Variants in PDCD6 observed in about 807,000 individuals in gnomAD.
PDCD6 encodes programmed cell death protein 6.
A neutral mutation model predicts 28.3 loss-of-function variants in PDCD6; 12 were observed. The observed-to-expected ratio is 0.42, with a 90% CI of 0.27 to 0.69. The LOEUF is 0.69. Among genes scored for constraint, PDCD6 ranks in the 30% least tolerant of loss-of-function variants. The probability of loss-of-function intolerance (pLI) is 0.22; values close to 1 mark genes in which losing one functional copy is unlikely to be tolerated. For synonymous variants in PDCD6, 92 were observed against 108.0 expected, an observed-to-expected ratio of 0.85 and a Z score of 0.92; for missense variants, 226 against 269.9, an observed-to-expected ratio of 0.84 and a Z score of 1.14.
At chr5:274,815 C>T (rs563267924) in intron 2 of PDCD6, among the ~76,000 whole-genome samples, 2 of 152,178 alleles carry the variant, frequency 1.3e-5, no homozygotes, top group South Asian at 4.1e-4. Flanking sequence ...TCAGCTGGTC[C>T]TCAAAGTGTA....
intron 2 of PDCD6, among the ~76,000 whole-genome samples, chr5:301,303 C>G (rs1419483367): frequency 6.6e-6 from 1 of 152,182 alleles, no homozygotes; most frequent in Non-Finnish European, 1.5e-5. Flanking sequence ...CCCTTGTGTG[C>G]AGACACTAGG....
At chr5:301,418 T>C (rs1235350715) in intron 2 of PDCD6, among the ~76,000 whole-genome samples, 2 of 152,368 alleles carry the variant, frequency 1.3e-5, no homozygotes, top group African/African-American at 4.8e-5. Flanking sequence ...CTTGTGGGTT[T>C]TCTGTAGCCT....
intron 1 of PDCD6, among the ~76,000 whole-genome samples, chr5:272,271 T>TA (rs1737872305): frequency 7.7e-6 from 1 of 129,548 alleles, no homozygotes; most frequent in Non-Finnish European, 1.6e-5. Context: ...TGTTAAAATG[T>TA]CAGCAGCCAA....
chr5:306,723 C>G lies in PDCD6; in HGVS notation c.330C>G (p.Ile110Met), dbSNP rs191142207. ...RTYDRDNSGM[I>M]DKNELKQALS... is the part of the protein sequence containing the mutation. ...ACGACCGGGACAACTCCGGGATGAT[C>G]GATAAGAACGAGCTGAAGCAGGCCC... The change falls in exon 4 of 6, where the codon ATC becomes ATG. Residue 110 changes from isoleucine (I) to methionine (M), a missense_variant. Around this residue, in one of 3 missense-constraint regions of PDCD6, gnomAD observed 151 missense variants for 177.2 expected, o/e 0.85. Coordinates refer to ENST00000264933, the MANE Select transcript of PDCD6 (RefSeq NM_013232.4). 29 of 1,614,016 alleles carry G rather than the reference C, an allele frequency of 1.8e-5. No homozygotes were observed. The East Asian group carries it at 6.5e-4, about 36-fold the overall frequency.
chr5:286,546 G>A (rs923515274), intron 2 of PDCD6, among the ~76,000 whole-genome samples: 3 of 151,972 alleles, frequency 2.0e-5, no homozygotes, highest in Non-Finnish European at 4.4e-5. Context: ...TGAGAGCTGT[G>A]CAGCTGGAGA....
At chr5:292,185 T>C (rs1739353662) in intron 2 of PDCD6, among the ~76,000 whole-genome samples, 1 of 152,220 alleles carries the variant, frequency 6.6e-6, no homozygotes, top group African/African-American at 2.4e-5. Flanking sequence ...TTTCCTCTTC[T>C]GTGGAGGGCC....
chr5:298,147 G>A (rs1739737802), intron 2 of PDCD6, among the ~76,000 whole-genome samples: 1 of 152,144 alleles, frequency 6.6e-6, no homozygotes, highest in South Asian at 2.1e-4. Context: ...TGATTTCAGG[G>A]GTAATTCCCA....
At chr5:274,744 G>T (rs1738073703) in intron 2 of PDCD6, among the ~76,000 whole-genome samples, 1 of 152,190 alleles carries the variant, frequency 6.6e-6, no homozygotes, top group African/African-American at 2.4e-5. Context: ...GACACCTCCT[G>T]CTCTGACTTG....
chr5:282,281 G>T (rs1264381705), intron 2 of PDCD6, among the ~76,000 whole-genome samples: 6 of 127,092 alleles, frequency 4.7e-5, no homozygotes, highest in Non-Finnish European at 8.5e-5. Flanking sequence ...TCGGGGGGGG[G>T]GGAGCTGATG....
At chr5:280,010 G>A in intron 2 of PDCD6, among the ~76,000 whole-genome samples, 1 of 144,044 alleles carries the variant, frequency 6.9e-6, no homozygotes, top group Non-Finnish European at 1.5e-5. Flanking sequence ...GGTGGGCAGG[G>A]AGCGATATTT....
At chr5:288,684 A>G (rs183310977) in intron 2 of PDCD6, 3 of 409,414 alleles carry the variant, frequency 7.3e-6, no homozygotes, top group African/African-American at 2.1e-5. Context: ...TACGTGTACA[A>G]CTCTTCCAGG....
chr5:296,786 G>A (rs1206499264), intron 2 of PDCD6, among the ~76,000 whole-genome samples: 5 of 152,226 alleles, frequency 3.3e-5, no homozygotes, highest in South Asian at 4.1e-4. Flanking sequence ...GGGGGGGCCC[G>A]TCGAGGCCCC....
intron 2 of PDCD6, among the ~76,000 whole-genome samples, chr5:297,834 C>A (rs1739716495): frequency 6.6e-6 from 1 of 152,090 alleles, no homozygotes; most frequent in Admixed American, 6.5e-5. Flanking sequence ...AATTTGAAGT[C>A]CTTTAATACA....
chr5:274,464 C>T (rs3961022), intron 2 of PDCD6, among the ~76,000 whole-genome samples: 15 of 152,182 alleles, frequency 9.9e-5, no homozygotes, highest in South Asian at 4.1e-4. Context: ...TTTGTGTCCT[C>T]GCCGTTACTG....
intron 5 of PDCD6, 91 bp downstream of exon 5, chr5:311,493 G>A: frequency 1.2e-6 from 1 of 812,416 alleles, no homozygotes; most frequent in East Asian, 2.6e-5. Context: ...TAAGGAGCTG[G>A]GCATGTGTAG....
In PDCD6 at chr5:314,795, CAT is replaced by C. The variant is rs556262954; in HGVS notation, c.*281_*282del. On this transcript the variant is annotated 3_prime_UTR_variant, in exon 6 of 6. Coordinates refer to ENST00000264933, the MANE Select transcript of PDCD6 (RefSeq NM_013232.4). ...GCATTCTGCTTGCAAAAAAATCTAT[CAT>C]GTGCTTTTCTAGATGTCTCTGGTTC... The C allele has an allele frequency of 1.2e-3, 602 of 512,112 alleles. 1 individual carries two copies. Among genetic ancestry groups the C allele is most frequent in the African/African-American group, 1.5e-3 (80 of 52,192 alleles). The allele number at this position is 512,112 out of a possible 1,614,324, so 31.7% of individuals were successfully genotyped here.
chr5:282,278 G>C (rs532559038), intron 2 of PDCD6, among the ~76,000 whole-genome samples: 25 of 141,866 alleles, frequency 1.8e-4, no homozygotes, highest in East Asian at 6.9e-4. Flanking sequence ...AAATCGGGGG[G>C]GGGGGAGCTG....
At chr5:279,162 GC>G (rs1427490241) in intron 2 of PDCD6, among the ~76,000 whole-genome samples, 1 of 151,372 alleles carries the variant, frequency 6.6e-6, no homozygotes, top group African/African-American at 2.5e-5. Context: ...GACATTTCTT[GC>G]CATGGGTGAT....
At chr5:303,297 TA>T (rs34022166) in intron 2 of PDCD6, among the ~76,000 whole-genome samples, 10,541 of 129,186 alleles carry the variant, frequency 0.082, 517 homozygotes, top group Non-Finnish European at 0.11. Flanking sequence ...TTTTTGTGCA[TA>T]AAAAAAAAAA....
Sources: gnomAD v4.1 joint callset for allele counts (sites outside exome capture counted in the v4.1 genomes callset) on GRCh38, gnomAD v4.1.1 for gene constraint, gnomAD v4.1.1 regional missense constraint, MANE v1.5 for transcripts, NCBI Gene and HGNC (gene_info 2026-07-23, HGNC 2026-07-21) for gene names.